The following WDR26 variants were observed in gnomAD, a reference collection of about 807,000 sequenced individuals.
The protein encoded by WDR26 is WD repeat domain 26, also known as WD repeat-containing protein 26.
In WDR26, 5 loss-of-function variants were observed where a neutral mutation model predicts 84.1. The observed-to-expected ratio is 0.06, with a 90% CI of 0.03 to 0.13. WDR26 has a LOEUF of 0.13. WDR26 is among the 10% of genes least tolerant of loss of function. The pLI is 1.00. For missense variants in WDR26, 642 were observed against 974.9 expected (o/e 0.66, Z 4.55); for synonymous variants, 415 against 389.6 (o/e 1.07, Z -0.77).
Position 224,393,475 on chromosome 1 carries a change from T to C in WDR26, c.2260+353A>G, listed in dbSNP as rs961707069. Among the ~76,000 whole-genome samples, 10 of 152,354 alleles carry C rather than the reference T, an allele frequency of 6.6e-5. No individual in the cohort carries two copies. The East Asian group carries it at 7.7e-4, about 12-fold the overall frequency. On this transcript the variant is annotated intron_variant, in intron 13 of 13. Transcript: ENST00000414423. ...TATCTAAAGTTGTTAATATTTTGTA[T>C]GGTTAGTTTCATGTGTATAAAATTC...
intron 3 of WDR26, among the ~76,000 whole-genome samples, chr1:224,426,774 A>G (rs1286531544): frequency 1.3e-5 from 2 of 151,994 alleles, no homozygotes; most frequent in Non-Finnish European, 2.9e-5. Flanking sequence ...TGAAGACCTC[A>G]TATATTTTCA....
At chr1:224,428,613 T>C (rs1224284968) in intron 3 of WDR26, among the ~76,000 whole-genome samples, 1 of 152,120 alleles carries the variant, frequency 6.6e-6, no homozygotes, top group African/African-American at 2.4e-5. Context: ...AAATGCTGAT[T>C]TGGCCCGGCA....
chr1:224,406,390 C>G (rs1673549704), intron 7 of WDR26, among the ~76,000 whole-genome samples: 1 of 151,766 alleles, frequency 6.6e-6, no homozygotes. Flanking sequence ...AGCTTTGAGC[C>G]TGGGGGGATG....
At position 224,410,657 on chromosome 1, in the gene WDR26, G is replaced by A. The variant is rs141394879; in HGVS notation, c.1458+770C>T. The stretch of plus-strand genomic sequence containing the variant: ...GAGTAATGAGTCTTTTCTAACTTGT[G>A]GTTGGGACAGAATGGACATTGTATT... On this transcript the variant is annotated intron_variant, in intron 7 of 13. Transcript: ENST00000414423. Among the ~76,000 whole-genome samples, 75 of 151,334 alleles carry A rather than the reference G, an allele frequency of 5.0e-4. No homozygotes were observed. In the East Asian group the frequency reaches 0.011, roughly 22 times the overall value.
intron 12 of WDR26, among the ~76,000 whole-genome samples, chr1:224,397,110 CAT>C (rs915905972): frequency 2.0e-5 from 3 of 152,058 alleles, no homozygotes; most frequent in African/African-American, 7.2e-5. Flanking sequence ...TGGAACATAA[CAT>C]AATCTAATTC....
At chr1:224,431,444 T>G (rs371930719) in intron 3 of WDR26, 33 bp downstream of exon 3, 1 of 1,592,402 alleles carries the variant, frequency 6.3e-7, no homozygotes, top group Non-Finnish European at 8.6e-7. Flanking sequence ...AAAATAAGCA[T>G]AAATGTGAAA....
rs748317028 is a variant in WDR26 at position 224,398,969 on chromosome 1, A to G, written c.1785T>C (p.Ser595=). The G allele has an allele frequency of 6.2e-7, 1 of 1,611,770 alleles. No homozygotes were observed. Among genetic ancestry groups the G allele is most frequent in the East Asian group, 2.2e-5 (1 of 44,756 alleles). Residue 595 remains serine, a synonymous_variant, in exon 10 of 14, where the codon AGT becomes AGC. Transcript: ENST00000414423. ...CTGATGCCAGAACAGTCTTTCCATC[A>G]CTCAAGCACCAAAGGCATTGCACTC...
chr1:224,433,520 C>T (rs533097128), intron 1 of WDR26, among the ~76,000 whole-genome samples, 164 bp downstream of exon 1: 9 of 152,202 alleles, frequency 5.9e-5, no homozygotes, highest in Admixed American at 1.3e-4. Context: ...TCCCCGGTCG[C>T]CCTGAGCCGC....
At chr1:224,420,936 CT>C (rs1674043631) in intron 4 of WDR26, among the ~76,000 whole-genome samples, 1 of 152,052 alleles carries the variant, frequency 6.6e-6, no homozygotes, top group African/African-American at 2.4e-5. Flanking sequence ...TCTAAAACAA[CT>C]TTTTTTGGGC....
chr1:224,407,981 G>C (rs1673629304), intron 7 of WDR26, among the ~76,000 whole-genome samples: 1 of 152,220 alleles, frequency 6.6e-6, no homozygotes, highest in Admixed American at 6.5e-5. Flanking sequence ...CATTAACTCT[G>C]CATTTCCCAA....
chr1:224,406,406 G>A (rs953911403), intron 7 of WDR26, among the ~76,000 whole-genome samples: 1 of 152,036 alleles, frequency 6.6e-6, no homozygotes, highest in African/African-American at 2.4e-5. Flanking sequence ...GGATGGGGGG[G>A]AAATTCCAAT....
chr1:224,420,789 AG>A (rs1218045159), intron 4 of WDR26, among the ~76,000 whole-genome samples: 2 of 152,118 alleles, frequency 1.3e-5, no homozygotes, highest in Non-Finnish European at 2.9e-5. Flanking sequence ...TAGTAGAGAC[AG>A]GGTTTCACCA....
At chr1:224,411,797 C>T (rs1207801954) in intron 6 of WDR26, among the ~76,000 whole-genome samples, 1 of 151,902 alleles carries the variant, frequency 6.6e-6, no homozygotes, top group Non-Finnish European at 1.5e-5. Flanking sequence ...CCCTGACCGC[C>T]TGGGGTCAAG....
rs1354054063 is a variant in WDR26, at chr1:224,400,970, G to A, written c.1699C>T (p.Arg567Cys). ...CTTACACACTGATAGAACTGCCCAC[G>A]CTGACCTCCAGTCACAAAGCGCTTC... is the stretch of plus-strand genomic sequence containing the variant. Residue 567 changes from arginine (R) to cysteine (C), a missense_variant, in exon 9 of 14, where the codon CGT becomes TGT. Around this residue, in one of 2 missense-constraint regions of WDR26, gnomAD observed 351 missense variants for 672.8 expected, o/e 0.52. Coordinates refer to ENST00000414423, the MANE Select transcript of WDR26 (RefSeq NM_001379403.1). The A allele has an allele frequency of 1.2e-6, 2 of 1,613,954 alleles. No individual in the cohort carries two copies. The highest frequency in any genetic ancestry group is 1.3e-5 in the African/African-American group (1 of 75,026).
At position 224,434,491 on chromosome 1, in the gene WDR26, G is replaced by A. The variant is rs1321934172; in HGVS notation, c.-86C>T. ...GTGAGGGGGGCCGGGGAGGCGGGGAGGGGGTCAGGGTAGGAGGGTGAGGGT... is the reference window on the plus strand; with the variant it reads ...GTGAGGGGGGCCGGGGAGGCGGGGAAGGGGTCAGGGTAGGAGGGTGAGGGT... On this transcript the variant is annotated 5_prime_UTR_variant, in exon 1 of 14. Coordinates refer to ENST00000414423, the MANE Select transcript of WDR26 (RefSeq NM_001379403.1). 1 of 389,534 alleles carries A rather than the reference G, an allele frequency of 2.6e-6. No individual in the cohort carries two copies. The highest frequency in any genetic ancestry group is 3.4e-6 in the Non-Finnish European group (1 of 295,878). 24.1% of individuals were successfully genotyped at this position (389,534 alleles called of 1,614,324 possible).
intron 7 of WDR26, among the ~76,000 whole-genome samples, chr1:224,409,988 G>A (rs2405045): frequency 0.98 from 149,293 of 152,276 alleles, 73,251 homozygotes; most frequent in East Asian, 1. Context: ...AAACTTCAAA[G>A]TAAGTTATTT....
chr1:224,433,908 G>T lies in WDR26; in HGVS notation c.498C>A (p.Ala166=), dbSNP rs554397105. Residue 166 remains alanine (A), a synonymous_variant, in exon 1 of 14, where the codon GCC becomes GCA. Transcript: ENST00000414423. ...TCAGGCTGTTGCTATTGTTGCTGGC[G>T]GCGGAGGGGGCGGAAGGCAGGAGCC... The T allele has an allele frequency of 6.5e-7, 1 of 1,536,550 alleles. No individual in the cohort carries two copies. The highest frequency in any genetic ancestry group is 8.7e-7 in the Non-Finnish European group (1 of 1,146,712).
chr1:224,398,472 G>T (rs780097855), intron 11 of WDR26, 43 bp downstream of exon 11: 1 of 1,524,490 alleles, frequency 6.6e-7, no homozygotes, highest in Non-Finnish European at 8.9e-7. Context: ...AATAAAACTT[G>T]TACTAAGCCA....
rs1672980469 is a variant in WDR26 at position 224,385,835 on chromosome 1, A to G, written c.*4000T>C. On this transcript the variant is annotated 3_prime_UTR_variant, in exon 14 of 14. Transcript: ENST00000414423. ...GATGGGGACACAATTTCAATCTTAT[A>G]AAAATATACCAGTATTAACCAAACC... 6.6e-6 allele frequency: 1 copy of G among 152,548 alleles called. No homozygotes were observed. The highest frequency in any genetic ancestry group is 1.5e-5 in the Non-Finnish European group (1 of 68,036). 9.4% of individuals were successfully genotyped at this position (152,548 alleles called of 1,614,324 possible).
Sources: allele counts gnomAD v4.1 joint callset (sites outside exome capture counted in the v4.1 genomes callset), GRCh38; gene constraint gnomAD v4.1.1; regional missense constraint gnomAD v4.1.1; transcripts MANE v1.5; gene names NCBI Gene and HGNC (gene_info 2026-07-23, HGNC 2026-07-21).